SYT12: variants seen among roughly 807,000 people sequenced by gnomAD.
SYT12 encodes the protein synaptotagmin-12.
SYT12 carries 27 observed loss-of-function variants against 39.5 expected under a neutral mutation model. The ratio of observed to expected loss-of-function variants is 0.68; its 90% confidence interval spans 0.50 to 0.94. The LOEUF is 0.94. SYT12 is among the 40% of genes least tolerant of loss of function. SYT12 has a pLI of 0.00. For synonymous variants in SYT12, 233 were observed against 239.7 expected (o/e 0.97, Z 0.26); for missense variants, 536 against 572.6 (o/e 0.94, Z 0.65).
Position 67,040,030 on chromosome 11 carries a change from G to A in SYT12, c.448G>A (p.Asp150Asn). Residue 150 changes from aspartate to asparagine, a missense_variant, in exon 4 of 8, where the codon GAC becomes AAC. Coordinates refer to ENST00000527043, the MANE Select transcript of SYT12 (RefSeq NM_177963.4). ...ISSVSNTFGQ[D>N]FTLGQVEVSM... ...CTCCGTGAGCAACACCTTTGGGCAG[G>A]ACTTCACACTGGGCCAGGTGGAGGT... is the stretch of plus-strand genomic sequence containing the variant. The A allele has an allele frequency of 6.2e-7, 1 of 1,613,984 alleles. No individual in the cohort carries two copies. Among genetic ancestry groups the A allele is most frequent in the South Asian group, 1.1e-5 (1 of 91,088 alleles).
At chr11:67,027,615 A>T (rs1950199186) in intron 1 of SYT12, 1 of 150,322 alleles carries the variant, frequency 6.7e-6, no homozygotes, top group South Asian at 2.1e-4. Flanking sequence ...TGTTAAAGGG[A>T]GAGGAAAGAA....
chr11:67,035,833 C>CTTT lies in SYT12; in HGVS notation c.228+995_228+996insTTT, dbSNP rs1950363468. 4.9e-5 allele frequency among the ~76,000 whole-genome samples: 5 copies of CTTT among 102,488 alleles called. No individual in the cohort carries two copies. In the East Asian group the frequency reaches 1.2e-3, roughly 24 times the overall value. The allele number at this position is 102,488 out of a possible 152,430, so 67.2% of individuals were successfully genotyped here. On this transcript the variant is annotated intron_variant, in intron 3 of 7. Transcript: ENST00000527043. ...TCCTTCCTTCCTTCCTTCCTTCCTT[C>CTTT]CTTCCTTTCTTTCTTTCTTTCTTTC...
intron 7 of SYT12, among the ~76,000 whole-genome samples, chr11:67,046,229 C>T (rs559989564): frequency 9.9e-5 from 15 of 152,166 alleles, no homozygotes; most frequent in Admixed American, 2.0e-4. Context: ...AGCCAGGCAC[C>T]CAGAGTTCCT....
intron 3 of SYT12, among the ~76,000 whole-genome samples, chr11:67,039,273 A>C (rs1043899486): frequency 1.3e-5 from 2 of 151,568 alleles, no homozygotes; most frequent in African/African-American, 4.9e-5. Context: ...ACTGCACTCC[A>C]GCCTGGTGAC....
intron 1 of SYT12, among the ~76,000 whole-genome samples, chr11:67,025,485 G>C (rs2136204048): frequency 6.6e-6 from 1 of 152,224 alleles, no homozygotes; most frequent in East Asian, 1.9e-4. Context: ...CCCATGTTAT[G>C]CTCTTTGCTG....
chr11:67,026,691 G>A (rs567066146), intron 1 of SYT12: 34 of 152,102 alleles, frequency 2.2e-4, no homozygotes, highest in African/African-American at 8.2e-4. Context: ...ATGTTGTCCA[G>A]ACTGGTTTTG....
rs1854580861 is a variant in SYT12, at chr11:67,047,128, C to G, written c.1092+1251C>G. Among the ~76,000 whole-genome samples, 3 of 151,998 alleles carry G rather than the reference C, an allele frequency of 2.0e-5. No individual in the cohort carries two copies. In the South Asian group the frequency reaches 6.2e-4, roughly 32 times the overall value. On this transcript the variant is annotated intron_variant, in intron 7 of 7. Transcript: ENST00000527043. ...TACAGGCACCTGCCACCACACCTGG[C>G]TAATTTTTGTATTTTTAGTAGAGAT...
chr11:67,018,194 C>G (rs1410537116), upstream of SYT12, among the ~76,000 whole-genome samples: 1 of 151,600 alleles, frequency 6.6e-6, no homozygotes, highest in Non-Finnish European at 1.5e-5. Context: ...ATTTGGGAGG[C>G]AGAGGTTGCA....
At chr11:67,031,554 T>C (rs1443083880) in intron 2 of SYT12, 1 of 152,226 alleles carries the variant, frequency 6.6e-6, no homozygotes, top group Non-Finnish European at 1.5e-5. Context: ...AAATAGTAAG[T>C]GCTTCATAAG....
intron 1 of SYT12, among the ~76,000 whole-genome samples, chr11:67,024,538 C>T (rs966568042): frequency 1.4e-4 from 21 of 152,292 alleles, no homozygotes; most frequent in Middle Eastern, 6.8e-3. Context: ...GGCAGCGCTG[C>T]CCACACTGCA....
intron 3 of SYT12, among the ~76,000 whole-genome samples, chr11:67,039,177 C>T (rs1192181992): frequency 4.6e-5 from 7 of 151,442 alleles, no homozygotes; most frequent in Admixed American, 1.3e-4. Flanking sequence ...GTGGTGTGCA[C>T]CTGTAATCCC....
At position 67,040,179 on chromosome 11, in the gene SYT12, C is replaced by G. The variant is rs764049998; in HGVS notation, c.597C>G (p.Asp199Glu). Residue 199 changes from aspartate to glutamate, a missense_variant, in exon 4 of 8, where the codon GAC becomes GAG. Transcript: ENST00000527043. ...SCFMRVSLLP[D>E]EQIVGISRIQ... is the part of the protein sequence containing the mutation. ...TCATGCGCGTCAGCCTGCTGCCGGA[C>G]GAGCAGATCGTGGGCATTTCTCGGG... 14 of 1,583,240 alleles carry G rather than the reference C, an allele frequency of 8.8e-6. No individual in the cohort carries two copies. The East Asian group carries it at 9.0e-5, about 10-fold the overall frequency.
intron 5 of SYT12, 127 bp from the exon 6 acceptor site, chr11:67,044,466 G>T: frequency 7.4e-7 from 1 of 1,360,462 alleles, no homozygotes; most frequent in East Asian, 2.5e-5. Context: ...CTGTGGTAAG[G>T]GGCCCCCAGT....
chr11:67,045,694 C>A, intron 6 of SYT12, 50 bp from the exon 7 acceptor site: 1 of 1,601,888 alleles, frequency 6.2e-7, no homozygotes, highest in Non-Finnish European at 8.5e-7. Flanking sequence ...CTGGGCAGGG[C>A]TGTGGTGAGT....
At chr11:67,021,014 C>A (rs1044342408), upstream of SYT12, among the ~76,000 whole-genome samples, 15 of 152,114 alleles carry the variant, frequency 9.9e-5, no homozygotes, top group African/African-American at 3.1e-4. Flanking sequence ...CAGGCGTGAG[C>A]CTGAAAGGTG....
intron 3 of SYT12, among the ~76,000 whole-genome samples, chr11:67,036,674 G>A (rs1591369198): frequency 6.6e-6 from 1 of 152,100 alleles, no homozygotes; most frequent in South Asian, 2.1e-4. Context: ...GGTGGCTCAC[G>A]CCCGTAATCC....
chr11:67,043,568 C>T lies in SYT12; in HGVS notation c.622-70C>T, dbSNP rs1348032799. 3 of 1,447,664 alleles carry T rather than the reference C, an allele frequency of 2.1e-6. No individual in the cohort carries two copies. The African/African-American group carries it at 4.2e-5, about 20-fold the overall frequency. The allele number at this position is 1,447,664 out of a possible 1,614,324, so 89.7% of individuals were successfully genotyped here. A position where few individuals can be genotyped will look rare whatever the true frequency, so the allele number is the denominator to read the frequency against. On this transcript the variant is annotated intron_variant, in intron 4 of 7. Coordinates refer to ENST00000527043, the MANE Select transcript of SYT12 (RefSeq NM_177963.4). Reference sequence around the variant, plus strand: ...ACTCTAGCCTGGGCCTCTGGACTCCCTGTCCAGTGCTGTCTCCCTGCTGTG... The same window carrying T: ...ACTCTAGCCTGGGCCTCTGGACTCCTTGTCCAGTGCTGTCTCCCTGCTGTG...
At chr11:67,032,905 C>CA (rs562451881) in intron 2 of SYT12, 1,964 of 66,824 alleles carry the variant, frequency 0.029, 36 homozygotes, top group African/African-American at 0.061. Flanking sequence ...AACTCCATCT[C>CA]AAAAAAAAAA....
chr11:67,047,603 G>A lies in SYT12; in HGVS notation c.1093-981G>A, dbSNP rs545919592. 2.0e-5 allele frequency among the ~76,000 whole-genome samples: 3 copies of A among 151,242 alleles called. No homozygotes were observed. The South Asian group carries it at 6.3e-4, about 32-fold the overall frequency. On this transcript the variant is annotated intron_variant, in intron 7 of 7. Coordinates refer to ENST00000527043, the MANE Select transcript of SYT12 (RefSeq NM_177963.4). The stretch of plus-strand genomic sequence containing the variant: ...TTATCATCACCATTTCACAGATGGA[G>A]AAGCTGAGGTAGCAAGAGCCCAAGT...
Sources: allele counts gnomAD v4.1 joint callset (sites outside exome capture counted in the v4.1 genomes callset), GRCh38; gene constraint gnomAD v4.1.1; transcripts MANE v1.5; gene names NCBI Gene and HGNC (gene_info 2026-07-23, HGNC 2026-07-21).